The following MAML3 variants were observed in gnomAD, a reference collection of about 807,000 sequenced individuals.
The protein encoded by MAML3 is mastermind-like protein 3.
Under a neutral mutation model 101.9 loss-of-function variants are expected in MAML3, and 27 were observed. The ratio of observed to expected loss-of-function variants is 0.27; its 90% CI spans 0.20 to 0.37. MAML3 has a LOEUF of 0.37. MAML3 is among the 10% of genes least tolerant of loss of function. The pLI, the probability that MAML3 is intolerant of heterozygous loss-of-function variation, is 1.00. For synonymous variants in MAML3, 501 were observed against 555.9 expected (o/e 0.90, Z 1.39); for missense variants, 1,316 against 1,444.9 (o/e 0.91, Z 1.45).
intron 2 of MAML3, among the ~76,000 whole-genome samples, chr4:139,851,221 A>T (rs1731541378): frequency 6.6e-6 from 1 of 152,252 alleles, no homozygotes; most frequent in Admixed American, 6.5e-5. Context: ...TTAAATATAC[A>T]GCATGACAGT....
intron 1 of MAML3, among the ~76,000 whole-genome samples, chr4:140,081,548 G>A (rs1727861863): frequency 6.6e-6 from 1 of 152,234 alleles, no homozygotes; most frequent in Admixed American, 6.5e-5. Context: ...GGCTGAAGAA[G>A]AGAGAGCACT....
In MAML3 at chr4:139,870,172, G is replaced by A. The variant is rs192186329; in HGVS notation, c.2079+19185C>T. ...AGAGTTTCTCAGCTTCTGTACTATC[G>A]ACATTTTGGGCTAGATAATGCTTTG... On this transcript the variant is annotated intron_variant, in intron 2 of 4. Coordinates refer to ENST00000509479, the MANE Select transcript of MAML3 (RefSeq NM_018717.5). Among the ~76,000 whole-genome samples the A allele has an allele frequency of 3.2e-4, 49 of 152,226 alleles. No individual in the cohort carries two copies. The East Asian group carries it at 8.3e-3, about 26-fold the overall frequency.
At chr4:139,937,397 T>G (rs1733528225) in intron 1 of MAML3, among the ~76,000 whole-genome samples, 1 of 152,048 alleles carries the variant, frequency 6.6e-6, no homozygotes, top group Non-Finnish European at 1.5e-5. Flanking sequence ...AAGGAGTTTT[T>G]TTTTTTTTTG....
chr4:139,793,456 A>C (rs1179726416), intron 2 of MAML3, among the ~76,000 whole-genome samples: 3 of 152,174 alleles, frequency 2.0e-5, no homozygotes, highest in Non-Finnish European at 4.4e-5. Context: ...CCATTGGCCA[A>C]GTGGACACTC....
At chr4:139,927,324 C>T (rs1733286376) in intron 1 of MAML3, among the ~76,000 whole-genome samples, 1 of 152,096 alleles carries the variant, frequency 6.6e-6, no homozygotes, top group Non-Finnish European at 1.5e-5. Flanking sequence ...TTCATGATGT[C>T]AATATGTCTT....
intron 1 of MAML3, among the ~76,000 whole-genome samples, chr4:139,941,621 G>T (rs759874675): frequency 2.6e-5 from 4 of 152,028 alleles, no homozygotes; most frequent in Non-Finnish European, 5.9e-5. Flanking sequence ...CAGTAAGAAT[G>T]ATAGTAATGA....
intron 2 of MAML3, among the ~76,000 whole-genome samples, chr4:139,801,944 G>C (rs1045551659): frequency 6.6e-6 from 1 of 152,206 alleles, no homozygotes; most frequent in Non-Finnish European, 1.5e-5. Flanking sequence ...GACCTGAGCA[G>C]AAAGGGGCCA....
chr4:140,089,716 C>G (rs1456512668), intron 1 of MAML3, among the ~76,000 whole-genome samples: 1 of 152,100 alleles, frequency 6.6e-6, no homozygotes, highest in Admixed American at 6.5e-5. Context: ...GGATGGAGAG[C>G]AGATCAGTGG....
At chr4:140,078,944 G>A (rs1727821435) in intron 1 of MAML3, among the ~76,000 whole-genome samples, 1 of 152,172 alleles carries the variant, frequency 6.6e-6, no homozygotes, top group African/African-American at 2.4e-5. Flanking sequence ...GAGAAAGTCT[G>A]GGTGGGTGTT....
At chr4:140,122,221 T>C (rs368199724) in intron 1 of MAML3, among the ~76,000 whole-genome samples, 594 of 45,712 alleles carry the variant, frequency 0.013, 24 homozygotes, top group African/African-American at 0.02. Context: ...CAAACGAGAC[T>C]TTTTTTTTTT....
chr4:140,151,686 G>C lies in MAML3; in HGVS notation c.468+1174C>G, dbSNP rs1729170895. On this transcript the variant is annotated intron_variant, in intron 1 of 4. Coordinates refer to ENST00000509479, the MANE Select transcript of MAML3 (RefSeq NM_018717.5). ...GGCCCACCCAGCACCCGGGCGGCGC[G>C]GTGCGGGGGGGGGGGGCACACACCT... is the stretch of plus-strand genomic sequence containing the variant. Among the ~76,000 whole-genome samples, 3 of 67,526 alleles carry C rather than the reference G, an allele frequency of 4.4e-5. No individual in the cohort carries two copies. The Admixed American group carries it at 5.1e-4, about 12-fold the overall frequency. 44.3% of individuals were successfully genotyped at this position (67,526 alleles called of 152,430 possible). A position where few individuals can be genotyped will look rare whatever the true frequency, so the allele number is the denominator to read the frequency against.
chr4:139,726,975 T>G (rs958320922), intron 3 of MAML3, among the ~76,000 whole-genome samples: 10 of 152,234 alleles, frequency 6.6e-5, no homozygotes, highest in African/African-American at 2.4e-4. Context: ...CTGCAGCTGC[T>G]GAATATTCAT....
chr4:139,907,938 G>A (rs1732849182), intron 1 of MAML3, among the ~76,000 whole-genome samples: 1 of 152,160 alleles, frequency 6.6e-6, no homozygotes, highest in Non-Finnish European at 1.5e-5. Context: ...ACATATAGAA[G>A]CCGTCTACCT....
In MAML3 at chr4:140,147,895, GGTGA is replaced by G. The variant is rs1480066509; in HGVS notation, c.468+4961_468+4964del. ...ATCCCTTCTATGACACTCACACCAG[GGTGA>G]GTGAGTGAATGAGTGAATGTGTGTG... On this transcript the variant is annotated intron_variant, in intron 1 of 4. Coordinates refer to ENST00000509479, the MANE Select transcript of MAML3 (RefSeq NM_018717.5). 6.6e-4 allele frequency among the ~76,000 whole-genome samples: 86 copies of G among 130,414 alleles called. 1 individual carries two copies. Among genetic ancestry groups the G allele is most frequent in the Admixed American group, 5.3e-3 (60 of 11,362 alleles). 85.6% of individuals were successfully genotyped at this position (130,414 alleles called of 152,430 possible).
chr4:139,939,763 G>GT (rs1733565213), intron 1 of MAML3, among the ~76,000 whole-genome samples: 3 of 145,876 alleles, frequency 2.1e-5, no homozygotes, highest in African/African-American at 7.6e-5. Context: ...ACAGGCACTT[G>GT]CTTTTTTTTT....
chr4:139,906,025 T>C (rs1732817651), intron 1 of MAML3, among the ~76,000 whole-genome samples: 2 of 152,188 alleles, frequency 1.3e-5, no homozygotes, highest in South Asian at 4.1e-4. Context: ...TACATATCAA[T>C]ACAGCTCAGA....
At chr4:139,880,266 G>C (rs1463453523) in intron 2 of MAML3, among the ~76,000 whole-genome samples, 1 of 151,868 alleles carries the variant, frequency 6.6e-6, no homozygotes. Flanking sequence ...CTTTCTCTTA[G>C]CCTCATATTT....
intron 2 of MAML3, among the ~76,000 whole-genome samples, chr4:139,758,209 T>C (rs1410594685): frequency 2.6e-5 from 4 of 152,144 alleles, no homozygotes; most frequent in South Asian, 2.1e-4. Flanking sequence ...GGACAACTTT[T>C]AAAATTTGAT....
intron 1 of MAML3, among the ~76,000 whole-genome samples, chr4:140,118,760 G>A (rs112761839): frequency 3.3e-5 from 5 of 152,254 alleles, no homozygotes; most frequent in Non-Finnish European, 5.9e-5. Context: ...CATTGGAAAC[G>A]ATCATGCTGT....
Sources: allele counts gnomAD v4.1 joint callset (sites outside exome capture counted in the v4.1 genomes callset), GRCh38; gene constraint gnomAD v4.1.1; transcripts MANE v1.5; gene names NCBI Gene and HGNC (gene_info 2026-07-23, HGNC 2026-07-21).